SUPT3H: variants seen among roughly 807,000 people sequenced by gnomAD.
SUPT3H encodes SPT3 homolog, SAGA and STAGA complex component, also known as transcription initiation protein SPT3 homolog.
SUPT3H carries 44 observed loss-of-function variants against 44.3 expected under a neutral mutation model. The observed-to-expected ratio is 0.99, with a 90% CI of 0.78 to 1.28. The LOEUF is 1.28. Ranked by LOEUF, SUPT3H falls within the 50% of genes most tolerant of loss-of-function variation. The pLI, the probability that SUPT3H is intolerant of heterozygous loss-of-function variation, is 0.00. For synonymous variants in SUPT3H, 124 were observed against 125.6 expected (o/e 0.99, Z 0.09); for missense variants, 380 against 387.1 (o/e 0.98, Z 0.15).
chr6:45,318,542 C>T (rs903022776), intron 2 of SUPT3H, among the ~76,000 whole-genome samples: 2 of 152,070 alleles, frequency 1.3e-5, no homozygotes, highest in Non-Finnish European at 2.9e-5. Context: ...TATGGGAATT[C>T]TCTGTACTTT....
At chr6:45,054,721 C>T (rs1427692067) in intron 3 of SUPT3H, among the ~76,000 whole-genome samples, 1 of 152,092 alleles carries the variant, frequency 6.6e-6, no homozygotes, top group African/African-American at 2.4e-5. Flanking sequence ...TACATGCATG[C>T]TTAGGAAAGA....
chr6:45,178,199 G>C (rs1484349005), intron 2 of SUPT3H, among the ~76,000 whole-genome samples: 1 of 152,082 alleles, frequency 6.6e-6, no homozygotes, highest in Non-Finnish European at 1.5e-5. Flanking sequence ...GACACACATA[G>C]GCTCAAATAA....
At chr6:45,145,465 A>G (rs912876864) in intron 2 of SUPT3H, among the ~76,000 whole-genome samples, 3 of 152,188 alleles carry the variant, frequency 2.0e-5, no homozygotes, top group Admixed American at 6.6e-5. Context: ...GGCAAGCTAC[A>G]TGTAGAAGAC....
chr6:44,951,063 A>C (rs1489838591), intron 9 of SUPT3H, among the ~76,000 whole-genome samples: 35 of 151,908 alleles, frequency 2.3e-4, no homozygotes, highest in Admixed American at 2.3e-3. Flanking sequence ...TTCCTCTTTA[A>C]TGAACCTTAA....
At chr6:44,947,056 A>G (rs889259920) in intron 9 of SUPT3H, among the ~76,000 whole-genome samples, 1 of 152,224 alleles carries the variant, frequency 6.6e-6, no homozygotes, top group Admixed American at 6.6e-5. Flanking sequence ...AGATTATGAC[A>G]TGCAAATGAC....
At chr6:45,175,160 A>C (rs2153608684) in intron 2 of SUPT3H, among the ~76,000 whole-genome samples, 1 of 152,018 alleles carries the variant, frequency 6.6e-6, no homozygotes, top group African/African-American at 2.4e-5. Context: ...TTGTTTGTAT[A>C]TATATACCGT....
intron 2 of SUPT3H, among the ~76,000 whole-genome samples, chr6:45,175,883 G>A (rs1456251288): frequency 6.6e-6 from 1 of 152,148 alleles, no homozygotes; most frequent in African/African-American, 2.4e-5. Context: ...TGACATCAAG[G>A]TTATTGCTAG....
chr6:45,141,979 AAG>A (rs1471756108), intron 2 of SUPT3H, among the ~76,000 whole-genome samples: 1 of 152,198 alleles, frequency 6.6e-6, no homozygotes, highest in Non-Finnish European at 1.5e-5. Context: ...AAAGAATCTT[AAG>A]ATCTGTGAGA....
chr6:44,901,273 GA>G (rs1223448684), intron 10 of SUPT3H, among the ~76,000 whole-genome samples: 1 of 151,898 alleles, frequency 6.6e-6, no homozygotes, highest in African/African-American at 2.4e-5. Flanking sequence ...TAAAAACCTT[GA>G]AAAAAAATTA....
intron 2 of SUPT3H, among the ~76,000 whole-genome samples, chr6:45,127,187 G>A (rs1025410386): frequency 8.5e-5 from 13 of 152,076 alleles, no homozygotes; most frequent in African/African-American, 3.1e-4. Context: ...AGTGGCGTGT[G>A]TCTGTAATCC....
intron 2 of SUPT3H, among the ~76,000 whole-genome samples, chr6:45,282,954 T>A (rs1331619053): frequency 2.0e-5 from 3 of 152,178 alleles, no homozygotes; most frequent in African/African-American, 7.2e-5. Flanking sequence ...GAAAAGAATT[T>A]TTAACCCAGA....
At chr6:45,183,033 C>G (rs1156969041) in intron 2 of SUPT3H, among the ~76,000 whole-genome samples, 1 of 152,182 alleles carries the variant, frequency 6.6e-6, no homozygotes, top group Non-Finnish European at 1.5e-5. Flanking sequence ...ATGTTCACTG[C>G]AGCATTATTC....
At chr6:45,335,911 A>G (rs1168104517) in intron 2 of SUPT3H, among the ~76,000 whole-genome samples, 1 of 151,362 alleles carries the variant, frequency 6.6e-6, no homozygotes, top group East Asian at 1.9e-4. Context: ...CTGCTCTTAT[A>G]AGAGTCAATG....
chr6:45,261,620 C>T (rs143410476), intron 2 of SUPT3H, among the ~76,000 whole-genome samples: 1 of 152,212 alleles, frequency 6.6e-6, no homozygotes, highest in East Asian at 1.9e-4. Context: ...TAGCCATCAT[C>T]ATACTGGACA....
intron 2 of SUPT3H, among the ~76,000 whole-genome samples, chr6:45,190,950 C>A (rs139977835): frequency 8.5e-5 from 13 of 152,186 alleles, no homozygotes; most frequent in African/African-American, 3.1e-4. Context: ...CAGGAACTCT[C>A]ATTCACTGCT....
intron 2 of SUPT3H, among the ~76,000 whole-genome samples, chr6:45,183,110 T>C (rs867440859): frequency 6.6e-6 from 1 of 152,188 alleles, no homozygotes; most frequent in Non-Finnish European, 1.5e-5. Context: ...CGAAATGTGG[T>C]ATATGCATAC....
chr6:45,094,347 G>A (rs1449467231), intron 3 of SUPT3H, among the ~76,000 whole-genome samples: 8 of 152,114 alleles, frequency 5.3e-5, no homozygotes, highest in Admixed American at 5.2e-4. Context: ...TGAAAGGTGA[G>A]AAGATGCTAT....
intron 6 of SUPT3H, among the ~76,000 whole-genome samples, chr6:44,998,149 C>A (rs1781515039): frequency 1.3e-5 from 2 of 151,598 alleles, no homozygotes; most frequent in Admixed American, 6.6e-5. Flanking sequence ...ATGACAAGTT[C>A]TCCTTTTTTT....
At position 45,032,640 on chromosome 6, in the gene SUPT3H, T is replaced by C. The variant is rs114620442; in HGVS notation, c.187-12008A>G. 6.3e-3 allele frequency among the ~76,000 whole-genome samples: 956 copies of C among 152,216 alleles called. 7 individuals are homozygous for C. Among genetic ancestry groups the C allele is most frequent in the Non-Finnish European group, 0.011 (725 of 68,012 alleles). On this transcript the variant is annotated intron_variant, in intron 3 of 10. Coordinates refer to ENST00000371459, the MANE Select transcript of SUPT3H (RefSeq NM_003599.4). The stretch of plus-strand genomic sequence containing the variant: ...TTACGCAACACTCATACAGTTACAT[T>C]CTAAGGAAGCAAACAGCGTAGAGAA...
Sources: gnomAD v4.1 joint callset for allele counts (sites outside exome capture counted in the v4.1 genomes callset) on GRCh38, gnomAD v4.1.1 for gene constraint, MANE v1.5 for transcripts, NCBI Gene and HGNC (gene_info 2026-07-23, HGNC 2026-07-21) for gene names.